APOB: variants seen among roughly 807,000 people sequenced by gnomAD.
The protein encoded by APOB is apolipoprotein B.
APOB carries 153 observed loss-of-function variants against 314.1 expected under a neutral mutation model. The observed-to-expected ratio is 0.49, with a 90% confidence interval of 0.43 to 0.56. APOB has a LOEUF of 0.56. APOB is among the 20% of genes least tolerant of loss of function. The probability of loss-of-function intolerance (pLI) is 0.00; values close to 1 mark genes in which losing one functional copy is unlikely to be tolerated. For synonymous variants in APOB, 2,087 were observed against 2,036.4 expected, an observed-to-expected ratio of 1.02 and a Z score of -0.67; for missense variants, 5,430 against 5,350.7, an observed-to-expected ratio of 1.01 and a Z score of -0.46.
At position 21,013,028 on chromosome 2, in the gene APOB, A is replaced by C. The variant is rs187850950; in HGVS notation, c.4216+132T>G. On this transcript the variant is annotated intron_variant, in intron 25 of 28. Transcript: ENST00000233242. Reference sequence around the variant, plus strand: ...ATAAATATTTCTATTTGTTGAATAAAATAAAAGACTTCCAAGTAGCAAGGA... The same window carrying C: ...ATAAATATTTCTATTTGTTGAATAACATAAAAGACTTCCAAGTAGCAAGGA... The C allele has an allele frequency of 4.6e-6, 5 of 1,096,482 alleles. No individual in the cohort carries two copies. In the African/African-American group the frequency reaches 7.9e-5, roughly 17 times the overall value. 67.9% of individuals were successfully genotyped at this position (1,096,482 alleles called of 1,614,324 possible). A position where few individuals can be genotyped will look rare whatever the true frequency, so the allele number is the denominator to read the frequency against.
chr2:21,012,827 C>G (rs1254248514), intron 25 of APOB, among the ~76,000 whole-genome samples, 176 bp from the exon 26 acceptor site: 1 of 152,168 alleles, frequency 6.6e-6, no homozygotes, highest in African/African-American at 2.4e-5. Context: ...CTCCAGGAAG[C>G]CTTGCCTGAC....
rs779283285 is a variant in APOB, at chr2:21,006,393, A to G, written c.10475T>C (p.Ile3492Thr). Residue 3492 changes from isoleucine (I) to threonine (T), a missense_variant, in exon 26 of 29, where the codon ATT becomes ACT. Physicochemically the swap from Ile to Thr is moderately conservative, Grantham distance 89. Transcript: ENST00000233242. ...GACATCTCCTTTGGTAGATGACTCA[A>G]TGGAAAAGTAAGAGGTGAGGCTTTC... ...SLESLTSYFS[I>T]ESSTKGDVKG... 67 of 1,613,972 alleles carry G rather than the reference A, an allele frequency of 4.2e-5. No individual in the cohort carries two copies. Among genetic ancestry groups the G allele is most frequent in the Non-Finnish European group, 5.0e-5 (59 of 1,179,992 alleles).
intron 2 of APOB, 53 bp from the exon 3 acceptor site, chr2:21,042,529 A>T: frequency 7.1e-7 from 1 of 1,403,826 alleles, no homozygotes. Context: ...TCTCCCAAGG[A>T]CAGCCAATTC....
intron 8 of APOB, among the ~76,000 whole-genome samples, 157 bp downstream of exon 8, chr2:21,034,659 T>C (rs1393508387): frequency 6.6e-6 from 1 of 152,258 alleles, no homozygotes; most frequent in Non-Finnish European, 1.5e-5. Flanking sequence ...CTTGACATCA[T>C]GAAATGAGTT....
intron 10 of APOB, among the ~76,000 whole-genome samples, chr2:21,030,249 T>A (rs969448769): frequency 3.9e-5 from 6 of 152,160 alleles, no homozygotes; most frequent in Non-Finnish European, 8.8e-5. Flanking sequence ...GGCATAAAAA[T>A]AGACACATAG....
At position 21,007,179 on chromosome 2, in the gene APOB, A is replaced by T; in HGVS notation, c.9689T>A (p.Phe3230Tyr). ...TKSYNETKIK[F>Y]DKYKAEKSHD... is the part of the protein sequence containing the mutation. ...AGATTTTTCAGCTTTGTACTTATCAAACTTAATTTTTGTTTCATTATAGGA... is the reference window on the plus strand; with the variant it reads ...AGATTTTTCAGCTTTGTACTTATCATACTTAATTTTTGTTTCATTATAGGA... Residue 3230 changes from phenylalanine to tyrosine, a missense_variant, in exon 26 of 29, where the codon TTT becomes TAT. By Grantham distance (22) the Phe-to-Tyr change is conservative. This residue lies in a region of APOB where 3,281 missense variants were observed against 3,171.0 expected (regional missense o/e 1.03). Coordinates refer to ENST00000233242, the MANE Select transcript of APOB (RefSeq NM_000384.3). 6.2e-7 allele frequency: 1 copy of T among 1,613,924 alleles called. No homozygotes were observed. Among genetic ancestry groups the T allele is most frequent in the South Asian group, 1.1e-5 (1 of 91,072 alleles).
intron 28 of APOB, among the ~76,000 whole-genome samples, 167 bp downstream of exon 28, chr2:21,004,102 A>T (rs1280154430): frequency 6.6e-6 from 1 of 152,110 alleles, no homozygotes; most frequent in East Asian, 1.9e-4. Context: ...TCAATCAAGG[A>T]CTCATTGTAA....
chr2:21,036,410 G>C (rs1664003688), intron 6 of APOB, among the ~76,000 whole-genome samples: 1 of 152,204 alleles, frequency 6.6e-6, no homozygotes. Flanking sequence ...CAATGACCAG[G>C]AACAGCGCCC....
chr2:21,008,581 T>G lies in APOB; in HGVS notation c.8287A>C (p.Lys2763Gln). 6.2e-7 allele frequency: 1 copy of G among 1,614,142 alleles called. No individual in the cohort carries two copies. The highest frequency in any genetic ancestry group is 1.1e-5 in the South Asian group (1 of 91,088). ...PTFGKLYSILKIQSPLFTLDA... is the reference protein window; with the variant it reads ...PTFGKLYSILQIQSPLFTLDA... ...AATGTGAAAAGAGGAGATTGGATTT[T>G]CAGAATACTGTATAGCTTGCCAAAA... The change falls in exon 26 of 29, where the codon AAA (lysine) becomes CAA (glutamine). Residue 2763 changes from lysine to glutamine, a missense_variant. Transcript: ENST00000233242.
At chr2:21,028,255 A>G in intron 13 of APOB, 72 bp downstream of exon 13, 1 of 1,363,522 alleles carries the variant, frequency 7.3e-7, no homozygotes. Flanking sequence ...GACAGTGGCT[A>G]TGCCAAAACC....
Position 21,016,548 on chromosome 2 carries a change from T to C in APOB, c.3223A>G (p.Thr1075Ala), listed in dbSNP as rs755233741. The change falls in exon 21 of 29, where the codon ACA (threonine) becomes GCA (alanine). Residue 1075 changes from threonine (T) to alanine (A), a missense_variant. Transcript: ENST00000233242. Reference sequence around the variant, plus strand: ...GATTCATCATTAACTCTGAGGATTGTTCCGAGGTCAACATCAAAATCCGGA... The same window carrying C: ...GATTCATCATTAACTCTGAGGATTGCTCCGAGGTCAACATCAAAATCCGGA... ...QIPDFDVDLG[T>A]ILRVNDESTE... The C allele has an allele frequency of 4.4e-6, 7 of 1,607,468 alleles. No homozygotes were observed. Among genetic ancestry groups the C allele is most frequent in the Non-Finnish European group, 6.0e-6 (7 of 1,173,972 alleles).
chr2:21,024,735 T>C (rs74364453), intron 16 of APOB, 198 bp downstream of exon 16: 5 of 717,682 alleles, frequency 7.0e-6, no homozygotes, highest in South Asian at 4.6e-5. Flanking sequence ...ACATTATGAA[T>C]AGCTTAATTT....
At position 21,025,105 on chromosome 2, in the gene APOB, A is replaced by G; in HGVS notation, c.2264T>C (p.Met755Thr). 1.9e-6 allele frequency: 3 copies of G among 1,614,190 alleles called. No homozygotes were observed. The highest frequency in any genetic ancestry group is 2.5e-6 in the Non-Finnish European group (3 of 1,180,030). Residue 755 changes from methionine to threonine, a missense_variant, in exon 16 of 29, where the codon ATG (methionine) becomes ACG (threonine). Transcript: ENST00000233242. ...KHEQDMVNGIMLSVEKLIKDL... is the reference protein window; with the variant it reads ...KHEQDMVNGITLSVEKLIKDL... Reference sequence around the variant, plus strand: ...TTTAATCAGCTTCTCAACACTGAGCATTATTCCATTTACCATATCCTGAGA... The same window carrying G: ...TTTAATCAGCTTCTCAACACTGAGCGTTATTCCATTTACCATATCCTGAGA...
chr2:21,009,611 G>A lies in APOB; in HGVS notation c.7257C>T (p.Phe2419=), dbSNP rs547372326. 8.1e-6 allele frequency: 13 copies of A among 1,613,648 alleles called. No individual in the cohort carries two copies. The highest frequency in any genetic ancestry group is 1.1e-5 in the Non-Finnish European group (13 of 1,179,814). ...TTAATTTCTTTATCAACATGTCAAG[G>A]AATTTGTTAACATCTTCAATGAATG... ...FKTFIEDVNK[F]LDMLIKKLKS... The change falls in exon 26 of 29, where the codon TTC becomes TTT. Residue 2419 remains phenylalanine (F), a synonymous_variant. Transcript: ENST00000233242.
Position 21,015,351 on chromosome 2 carries a change from C to A in APOB, c.3508+19G>T. 1 of 1,614,160 alleles carries A rather than the reference C, an allele frequency of 6.2e-7. No individual in the cohort carries two copies. The highest frequency in any genetic ancestry group is 8.5e-7 in the Non-Finnish European group (1 of 1,179,996). Reference sequence around the variant, plus strand: ...CTGCATTACTTTGGAAGTGCTCACACAGGGGAAGAGACACATACCATAATG... The same window carrying A: ...CTGCATTACTTTGGAAGTGCTCACAAAGGGGAAGAGACACATACCATAATG... On this transcript the variant is annotated intron_variant, in intron 22 of 28. Transcript: ENST00000233242.
Position 21,007,916 on chromosome 2 carries a change from A to G in APOB, c.8952T>C (p.Ser2984=), listed in dbSNP as rs140325650. The stretch of plus-strand genomic sequence containing the variant: ...CGACTTGTGATTGAATTTCAAGTTT[A>G]GAAAAGTTGAGGGAGCCAGATTCAT... The part of the protein sequence containing the change: ...LVYESGSLNF[S]KLEIQSQVDS... The change falls in exon 26 of 29, where the codon TCT becomes TCC. Residue 2984 remains serine, a synonymous_variant. Coordinates refer to ENST00000233242, the MANE Select transcript of APOB (RefSeq NM_000384.3). The G allele has an allele frequency of 6.2e-7, 1 of 1,613,962 alleles. No homozygotes were observed.
Position 21,035,728 on chromosome 2 carries a change from C to T in APOB, c.694-20G>A, listed in dbSNP as rs199702642. On this transcript the variant is annotated intron_variant, in intron 6 of 28. Transcript: ENST00000233242. ...GCGGGTCTATGAAAGAGATTGGAGACGAGCATTTTGATCAGTCCCTGTATC... is the reference window on the plus strand; with the variant it reads ...GCGGGTCTATGAAAGAGATTGGAGATGAGCATTTTGATCAGTCCCTGTATC... The T allele has an allele frequency of 4.9e-4, 796 of 1,613,274 alleles. No individual in the cohort carries two copies. The highest frequency in any genetic ancestry group is 6.1e-4 in the African/African-American group (46 of 74,916).
chr2:21,007,236 T>G lies in APOB; in HGVS notation c.9632A>C (p.Asn3211Thr). ...GACAAAATCTAATGCATTGTTTCTG[T>G]TTTTTTCAAAATGCCTGTCAAAGGA... is the stretch of plus-strand genomic sequence containing the variant. ...IKSFDRHFEK[N>T]RNNALDFVTK... The change falls in exon 26 of 29, where the codon AAC becomes ACC. Residue 3211 changes from asparagine (N) to threonine (T), a missense_variant. Around this residue, in one of 3 missense-constraint regions of APOB, gnomAD observed 3,281 missense variants for 3,171.0 expected, o/e 1.03. Coordinates refer to ENST00000233242, the MANE Select transcript of APOB (RefSeq NM_000384.3). The G allele has an allele frequency of 2.5e-6, 4 of 1,613,342 alleles. No individual in the cohort carries two copies. Among genetic ancestry groups the G allele is most frequent in the Non-Finnish European group, 3.4e-6 (4 of 1,179,598 alleles).
chr2:21,040,536 C>T (rs1426765316), intron 4 of APOB, among the ~76,000 whole-genome samples: 1 of 152,200 alleles, frequency 6.6e-6, no homozygotes, highest in Non-Finnish European at 1.5e-5. Flanking sequence ...AGCCTTGGTG[C>T]TCCTCTGCCC....
Sources: allele counts gnomAD v4.1 joint callset (sites outside exome capture counted in the v4.1 genomes callset), GRCh38; gene constraint gnomAD v4.1.1; regional missense constraint gnomAD v4.1.1; transcripts MANE v1.5; gene names NCBI Gene and HGNC (gene_info 2026-07-23, HGNC 2026-07-21).